Variants in PCDH9 observed in about 807,000 individuals in gnomAD.
PCDH9 encodes the protein protocadherin 9.
PCDH9 carries 24 observed loss-of-function variants against 70.6 expected under a neutral mutation model. The observed-to-expected ratio is 0.34, with a 90% CI of 0.25 to 0.48. PCDH9 has a LOEUF of 0.48. Ranked by LOEUF, PCDH9 falls within the 20% of genes least tolerant of loss-of-function variation. The pLI is 0.99. For synonymous variants in PCDH9, 562 were observed against 558.5 expected (o/e 1.01, Z -0.09); for missense variants, 1,281 against 1,503.6 (o/e 0.85, Z 2.45).
chr13:66,495,571 AAAAT>A (rs1302048197), intron 4 of PCDH9, among the ~76,000 whole-genome samples: 11 of 151,300 alleles, frequency 7.3e-5, no homozygotes, highest in Middle Eastern at 3.4e-3. Context: ...GTTTACTTGC[AAAAT>A]AAATACATAC....
At chr13:66,955,780 C>T (rs2083257542) in intron 2 of PCDH9, among the ~76,000 whole-genome samples, 1 of 152,026 alleles carries the variant, frequency 6.6e-6, no homozygotes, top group South Asian at 2.1e-4. Flanking sequence ...ATGGGAATGA[C>T]AAACAGATAC....
intron 2 of PCDH9, among the ~76,000 whole-genome samples, chr13:66,945,857 T>G (rs181038369): frequency 3.3e-5 from 5 of 152,288 alleles, no homozygotes; most frequent in Non-Finnish European, 7.4e-5. Flanking sequence ...CTCATGGGTA[T>G]GTGTCTTAGG....
rs1036598660 is a variant in PCDH9 at position 66,329,986 on chromosome 13, G to A, written c.3341-24958C>T. On this transcript the variant is annotated intron_variant, in intron 4 of 4. Coordinates refer to ENST00000377865, the MANE Select transcript of PCDH9 (RefSeq NM_203487.3). The stretch of plus-strand genomic sequence containing the variant: ...TCTGGTAGCTGTTCTGAATATAAAT[G>A]TTGTATTAAGCACTTAAACTGCATC... Among the ~76,000 whole-genome samples, 11 of 152,260 alleles carry A rather than the reference G, an allele frequency of 7.2e-5. No individual in the cohort carries two copies. The East Asian group carries it at 2.1e-3, about 29-fold the overall frequency.
At chr13:67,074,003 T>A (rs2085821316) in intron 2 of PCDH9, among the ~76,000 whole-genome samples, 5 of 152,092 alleles carry the variant, frequency 3.3e-5, no homozygotes, top group Admixed American at 2.0e-4. Context: ...TAGGTCCATA[T>A]CCTTTTTGAA....
intron 4 of PCDH9, among the ~76,000 whole-genome samples, chr13:66,624,513 G>C (rs537730057): frequency 1.3e-5 from 2 of 152,332 alleles, no homozygotes; most frequent in Admixed American, 6.5e-5. Context: ...TTGGTTGCCA[G>C]AAGGATAGCG....
intron 2 of PCDH9, among the ~76,000 whole-genome samples, chr13:66,939,529 C>T (rs1296914925): frequency 1.3e-5 from 2 of 151,716 alleles, no homozygotes; most frequent in African/African-American, 4.8e-5. Flanking sequence ...GTCCGCCTCC[C>T]AGGTTCAAGT....
At chr13:67,069,433 C>A (rs1170195942) in intron 2 of PCDH9, among the ~76,000 whole-genome samples, 1 of 152,110 alleles carries the variant, frequency 6.6e-6, no homozygotes, top group Non-Finnish European at 1.5e-5. Context: ...CTGTACAATT[C>A]TTTTAAAAAA....
intron 4 of PCDH9, among the ~76,000 whole-genome samples, chr13:66,357,538 T>C (rs935902842): frequency 3.3e-5 from 5 of 152,082 alleles, no homozygotes; most frequent in Non-Finnish European, 7.4e-5. Flanking sequence ...AAATCCTTCA[T>C]AGCTACTCTC....
intron 3 of PCDH9, among the ~76,000 whole-genome samples, chr13:66,688,724 T>C (rs1385087931): frequency 6.6e-6 from 1 of 152,154 alleles, no homozygotes; most frequent in Non-Finnish European, 1.5e-5. Flanking sequence ...TAGAAACTTA[T>C]TGATTAATAA....
At chr13:66,316,114 T>C (rs1955647519) in intron 4 of PCDH9, among the ~76,000 whole-genome samples, 1 of 152,064 alleles carries the variant, frequency 6.6e-6, no homozygotes, top group South Asian at 2.1e-4. Flanking sequence ...AACACATCAT[T>C]CTAACCTCTG....
rs770519652 is a variant in PCDH9 at position 67,014,023 on chromosome 13, T to TA, written c.3037-110419dup. The stretch of plus-strand genomic sequence containing the variant: ...TTCAGAAACTTTTCTGCTTCCTTCA[T>TA]ATTCAAGGTGTTTAAAAACAGAGAT... On this transcript the variant is annotated intron_variant, in intron 2 of 4. Coordinates refer to ENST00000377865, the MANE Select transcript of PCDH9 (RefSeq NM_203487.3). 8.6e-4 allele frequency among the ~76,000 whole-genome samples: 131 copies of TA among 152,218 alleles called. 2 individuals carry two copies. The highest frequency in any genetic ancestry group is 1.6e-3 in the Non-Finnish European group (108 of 67,958).
At chr13:66,504,668 G>A (rs1413275454) in intron 4 of PCDH9, among the ~76,000 whole-genome samples, 5 of 152,188 alleles carry the variant, frequency 3.3e-5, no homozygotes, top group African/African-American at 9.7e-5. Context: ...TGTATCTGCA[G>A]AGCCAAGGAC....
chr13:67,125,427 C>G (rs2086958071), intron 2 of PCDH9, among the ~76,000 whole-genome samples: 7 of 152,030 alleles, frequency 4.6e-5, no homozygotes, highest in Admixed American at 3.9e-4. Context: ...TTTACTTGGC[C>G]TAGGATAAGA....
At chr13:66,314,309 C>T (rs1181965805) in intron 4 of PCDH9, among the ~76,000 whole-genome samples, 1 of 152,168 alleles carries the variant, frequency 6.6e-6, no homozygotes, top group Non-Finnish European at 1.5e-5. Context: ...TTTAAGCACA[C>T]AAATTGTTCT....
chr13:66,657,749 T>C (rs1437946087), intron 3 of PCDH9, among the ~76,000 whole-genome samples: 1 of 152,186 alleles, frequency 6.6e-6, no homozygotes, highest in African/African-American at 2.4e-5. Flanking sequence ...CCTACACTCC[T>C]GGGCATATCT....
At chr13:66,577,560 A>G (rs2076832397) in intron 4 of PCDH9, among the ~76,000 whole-genome samples, 1 of 152,154 alleles carries the variant, frequency 6.6e-6, no homozygotes, top group African/African-American at 2.4e-5. Context: ...CTCGTCAGTC[A>G]GTAGCCCAGA....
chr13:66,682,835 G>C (rs1348960137), intron 3 of PCDH9, among the ~76,000 whole-genome samples: 1 of 152,080 alleles, frequency 6.6e-6, no homozygotes, highest in Admixed American at 6.6e-5. Flanking sequence ...GGTGGCATTA[G>C]GATCCATTCA....
chr13:66,364,931 G>A (rs1052947765), intron 4 of PCDH9, among the ~76,000 whole-genome samples: 5 of 152,112 alleles, frequency 3.3e-5, no homozygotes, highest in African/African-American at 1.2e-4. Context: ...CAAAACCTGG[G>A]AAAGACTCAG....
intron 2 of PCDH9, among the ~76,000 whole-genome samples, chr13:66,947,876 A>G (rs2083114389): frequency 6.6e-6 from 1 of 152,086 alleles, no homozygotes; most frequent in South Asian, 2.1e-4. Flanking sequence ...AGCAAGGTGA[A>G]TCTGTCTTCA....
Sources: allele counts gnomAD v4.1 joint callset (sites outside exome capture counted in the v4.1 genomes callset), GRCh38; gene constraint gnomAD v4.1.1; transcripts MANE v1.5; gene names NCBI Gene and HGNC (gene_info 2026-07-23, HGNC 2026-07-21).